The following MAP4K5 variants were observed in gnomAD, a reference collection of about 807,000 sequenced individuals.
MAP4K5 encodes MAPK/ERK kinase kinase kinase 5.
MAP4K5 carries 82 observed loss-of-function variants against 135.6 expected under a neutral mutation model. The ratio of observed to expected loss-of-function variants is 0.60; its 90% CI spans 0.51 to 0.73. The LOEUF (loss-of-function observed/expected upper bound fraction) is 0.73. Among genes scored for constraint, MAP4K5 ranks in the 30% least tolerant of loss-of-function variants. The pLI, the probability that MAP4K5 is intolerant of heterozygous loss-of-function variation, is 0.00. For synonymous variants in MAP4K5, 347 were observed against 335.0 expected, an observed-to-expected ratio of 1.04 and a Z score of -0.39; for missense variants, 907 against 1,010.9, an observed-to-expected ratio of 0.90 and a Z score of 1.39.
intron 1 of MAP4K5, 108 bp downstream of exon 1, chr14:50,532,340 C>T: frequency 3.0e-6 from 1 of 330,914 alleles, no homozygotes; most frequent in Non-Finnish European, 5.5e-6. Context: ...CCTCCCCGGC[C>T]GCCCGCGAAC....
intron 25 of MAP4K5, 73 bp from the exon 26 acceptor site, chr14:50,437,607 T>A (rs975924743): frequency 2.9e-6 from 3 of 1,044,808 alleles, no homozygotes; most frequent in South Asian, 3.0e-5. Flanking sequence ...ATCAGTTGCA[T>A]CAGAATCAGA....
intron 28 of MAP4K5, among the ~76,000 whole-genome samples, chr14:50,432,999 G>A (rs562837027): frequency 1.2e-4 from 18 of 152,096 alleles, no homozygotes; most frequent in Admixed American, 3.3e-4. Context: ...CACCACGCCC[G>A]GCTAAGTTTG....
intron 2 of MAP4K5, among the ~76,000 whole-genome samples, chr14:50,523,088 G>C (rs1251080913): frequency 6.6e-6 from 1 of 152,094 alleles, no homozygotes; most frequent in African/African-American, 2.4e-5. Flanking sequence ...GAGGCGGGTG[G>C]ATCACCTGAG....
Position 50,434,401 on chromosome 14 carries a change from A to G in MAP4K5, c.2157T>C (p.Ile719=). ...AAGGTAAAAAATACTTACCTGCACC[A>G]ATTTCTGTAAACCATGAAGATGCAG... ...LNSASSWFTE[I]GAGSQQLDSI... Residue 719 remains isoleucine, a synonymous_variant, in exon 28 of 33, where the codon ATT becomes ATC. Transcript: ENST00000682126. The G allele has an allele frequency of 6.2e-7, 1 of 1,602,028 alleles. No homozygotes were observed. Among genetic ancestry groups the G allele is most frequent in the African/African-American group, 1.3e-5 (1 of 74,784 alleles).
chr14:50,531,485 C>T (rs1378352815), intron 2 of MAP4K5, among the ~76,000 whole-genome samples: 1 of 152,166 alleles, frequency 6.6e-6, no homozygotes, highest in East Asian at 1.9e-4. Flanking sequence ...ACAGTTAAAG[C>T]TCAGAGACAG....
intron 2 of MAP4K5, among the ~76,000 whole-genome samples, chr14:50,516,589 C>T (rs1048751948): frequency 6.6e-6 from 1 of 152,188 alleles, no homozygotes; most frequent in African/African-American, 2.4e-5. Context: ...GAAACTATTA[C>T]AGAGACACTA....
At chr14:50,481,055 C>T (rs904066140) in intron 6 of MAP4K5, among the ~76,000 whole-genome samples, 31 of 150,794 alleles carry the variant, frequency 2.1e-4, no homozygotes, top group African/African-American at 7.1e-4. Flanking sequence ...AGTGCAAATT[C>T]GACTTTGTTT....
At chr14:50,424,048 C>G (rs2035790677) in intron 31 of MAP4K5, among the ~76,000 whole-genome samples, 1 of 151,866 alleles carries the variant, frequency 6.6e-6, no homozygotes, top group Non-Finnish European at 1.5e-5. Context: ...TTCTCCATTC[C>G]TCATTCCATC....
intron 3 of MAP4K5, among the ~76,000 whole-genome samples, chr14:50,499,159 A>G (rs2037654863): frequency 6.6e-6 from 1 of 152,230 alleles, no homozygotes; most frequent in African/African-American, 2.4e-5. Flanking sequence ...AGGATGCTGA[A>G]GATACGAAGA....
intron 18 of MAP4K5, among the ~76,000 whole-genome samples, chr14:50,444,541 G>A (rs2139718180): frequency 6.6e-6 from 1 of 152,038 alleles, no homozygotes; most frequent in Non-Finnish European, 1.5e-5. Flanking sequence ...TTGAGCCCAG[G>A]GGTCTGAGAT....
At position 50,448,714 on chromosome 14, in the gene MAP4K5, CA is replaced by C. The variant is rs59198763; in HGVS notation, c.1074+59del. The C allele has an allele frequency of 4.0e-3, 4,002 of 991,224 alleles. 72 individuals are homozygous for C. The African/African-American group carries it at 0.047, about 12-fold the overall frequency. 61.4% of individuals were successfully genotyped at this position (991,224 alleles called of 1,614,324 possible). ...TGTTTTCTAATCAAAGTACAACTAA[CA>C]AAAAAAAAGTTTTCTCAAATCTTAA... is the stretch of plus-strand genomic sequence containing the variant. On this transcript the variant is annotated intron_variant, in intron 15 of 32. Transcript: ENST00000682126.
intron 23 of MAP4K5, among the ~76,000 whole-genome samples, chr14:50,438,650 C>T (rs1374384379): frequency 6.6e-6 from 1 of 151,966 alleles, no homozygotes; most frequent in Non-Finnish European, 1.5e-5. Flanking sequence ...TATAACAATA[C>T]AAAACAATAT....
At chr14:50,528,350 A>C (rs1371085216) in intron 2 of MAP4K5, among the ~76,000 whole-genome samples, 2 of 151,778 alleles carry the variant, frequency 1.3e-5, no homozygotes, top group East Asian at 1.9e-4. Flanking sequence ...ATTACGAAGA[A>C]TCTCAAAGCC....
intron 3 of MAP4K5, among the ~76,000 whole-genome samples, chr14:50,492,137 G>C (rs12323534): frequency 4.6e-5 from 7 of 151,820 alleles, no homozygotes; most frequent in Admixed American, 2.0e-4. Context: ...AATTATTAAC[G>C]TGATGCTTCG....
intron 6 of MAP4K5, among the ~76,000 whole-genome samples, chr14:50,478,764 T>A (rs1344372566): frequency 1.3e-5 from 2 of 152,142 alleles, no homozygotes; most frequent in East Asian, 3.9e-4. Flanking sequence ...TCAGTGTTTG[T>A]AAGTCTGAAA....
At chr14:50,448,855 G>A (rs377135460) in intron 14 of MAP4K5, 23 bp from the exon 15 acceptor site, 5 of 1,247,780 alleles carry the variant, frequency 4.0e-6, no homozygotes, top group African/African-American at 1.5e-5. Flanking sequence ...TAACAGGTAT[G>A]TACAAACTCA....
chr14:50,534,652 A>G (rs1469430237), upstream of MAP4K5, among the ~76,000 whole-genome samples: 1 of 152,266 alleles, frequency 6.6e-6, no homozygotes, highest in Non-Finnish European at 1.5e-5. Context: ...CTAGAGGCAG[A>G]TAGCATGGAA....
chr14:50,557,497 G>A (rs1334958570), intron 1 of MAP4K5, among the ~76,000 whole-genome samples: 1 of 152,034 alleles, frequency 6.6e-6, no homozygotes, highest in East Asian at 1.9e-4. Flanking sequence ...AAATCACTCT[G>A]TATTAGCTTA....
chr14:50,532,558 G>A lies in MAP4K5; in HGVS notation c.-220C>T, dbSNP rs1055884121. On this transcript the variant is annotated 5_prime_UTR_variant, in exon 1 of 33. Coordinates refer to ENST00000682126, the MANE Select transcript of MAP4K5 (RefSeq NM_006575.6). Reference sequence around the variant, plus strand: ...CACGGCGCGTCCTCTCGGGGGCGGCGGAGGCGCGTACAGTCGCCGCCGCCG... The same window carrying A: ...CACGGCGCGTCCTCTCGGGGGCGGCAGAGGCGCGTACAGTCGCCGCCGCCG... 3 of 151,382 alleles carry A rather than the reference G, an allele frequency of 2.0e-5. No individual in the cohort carries two copies. The highest frequency in any genetic ancestry group is 2.0e-4 in the East Asian group (1 of 5,118). 9.4% of individuals were successfully genotyped at this position (151,382 alleles called of 1,614,324 possible).
Sources: gnomAD v4.1 joint callset for allele counts (sites outside exome capture counted in the v4.1 genomes callset) on GRCh38, gnomAD v4.1.1 for gene constraint, MANE v1.5 for transcripts, NCBI Gene and HGNC (gene_info 2026-07-23, HGNC 2026-07-21) for gene names.